The following LRRC43 variants were observed in gnomAD, a reference collection of about 807,000 sequenced individuals.
The protein encoded by LRRC43 is leucine rich repeat containing 43, also known as leucine-rich repeat-containing protein 43.
A neutral mutation model predicts 64.3 loss-of-function variants in LRRC43; 62 were observed. The ratio of observed to expected loss-of-function variants is 0.96; its 90% confidence interval spans 0.79 to 1.19. The LOEUF is 1.19. Ranked by LOEUF, LRRC43 falls within the 50% of genes most tolerant of loss-of-function variation. LRRC43 has a pLI of 0.00. For synonymous variants in LRRC43, 422 were observed against 382.3 expected (o/e 1.10, Z -1.21); for missense variants, 868 against 845.0 (o/e 1.03, Z -0.34).
intron 1 of LRRC43, among the ~76,000 whole-genome samples, chr12:122,174,850 T>TC (rs1255247426): frequency 6.6e-6 from 1 of 151,578 alleles, no homozygotes; most frequent in African/African-American, 2.4e-5. Flanking sequence ...TTTTCTTTTT[T>TC]TTTTTTTTGA....
At position 122,171,381 on chromosome 12, in the gene LRRC43, T is replaced by C. The variant is rs576758792; in HGVS notation, c.-406+3599T>C. 2.0e-5 allele frequency among the ~76,000 whole-genome samples: 3 copies of C among 152,328 alleles called. No homozygotes were observed. In the South Asian group the frequency reaches 6.2e-4, roughly 32 times the overall value. The stretch of plus-strand genomic sequence containing the variant: ...CATAAAGAAAATGCTCAATGAGTGT[T>C]TATTGCTGCTGAGGTCTTGCTTTGT... On this transcript the variant is annotated intron_variant, in intron 1 of 5. Coordinates refer to the LRRC43 transcript ENST00000537729.
intron 11 of LRRC43, 131 bp from the exon 12 acceptor site, chr12:122,203,184 A>T: frequency 1.2e-6 from 1 of 833,090 alleles, no homozygotes; most frequent in Non-Finnish European, 1.9e-6. Flanking sequence ...TATTACTGTT[A>T]ACACCCGAGG....
Position 122,192,957 on chromosome 12 carries a change from G to C in LRRC43, c.1302G>C (p.Leu434=). ...LQMPRASAEE[L]AKLRLRIDPR... ...TGCCGAGGGCCTCTGCAGAAGAGCT[G>C]GCCAAGTTGAGGCTGCGTATAGATC... Residue 434 remains leucine, a synonymous_variant, in exon 7 of 12, where the codon CTG becomes CTC. Transcript: ENST00000339777. 1 of 1,614,074 alleles carries C rather than the reference G, an allele frequency of 6.2e-7. No individual in the cohort carries two copies. Among genetic ancestry groups the C allele is most frequent in the Non-Finnish European group, 8.5e-7 (1 of 1,180,014 alleles).
intron 4 of LRRC43, chr12:122,189,287 C>G: frequency 5.3e-6 from 2 of 375,368 alleles, no homozygotes; most frequent in South Asian, 1.9e-5. Context: ...CCCCGAGGAA[C>G]CTGGAGGGCA....
At chr12:122,186,721 C>G (rs1048374679) in intron 3 of LRRC43, among the ~76,000 whole-genome samples, 4 of 152,168 alleles carry the variant, frequency 2.6e-5, no homozygotes, top group Non-Finnish European at 5.9e-5. Context: ...GAGTTTGAGA[C>G]CAGCCTGGCC....
chr12:122,183,354 C>T, intron 1 of LRRC43, 60 bp downstream of exon 1: 4 of 1,380,112 alleles, frequency 2.9e-6, no homozygotes, highest in South Asian at 1.7e-5. Flanking sequence ...GGCACGGGCC[C>T]GGGCGAGCGG....
Position 122,172,041 on chromosome 12 carries a change from T to G in LRRC43, c.-406+4259T>G, listed in dbSNP as rs141568042. On this transcript the variant is annotated intron_variant, in intron 1 of 5. Coordinates refer to the LRRC43 transcript ENST00000537729. ...AATGTGTCACAGATTATGAGAAAAA[T>G]TCAATATAATTTATTAAATAGATTC... is the stretch of plus-strand genomic sequence containing the variant. 4.6e-3 allele frequency: 786 copies of G among 169,220 alleles called. 10 individuals carry two copies. Among genetic ancestry groups the G allele is most frequent in the African/African-American group, 0.018 (749 of 41,644 alleles). The allele number at this position is 169,220 out of a possible 1,614,324, so 10.5% of individuals were successfully genotyped here.
At chr12:122,199,235 C>T (rs889321791) in intron 7 of LRRC43, among the ~76,000 whole-genome samples, 2 of 148,574 alleles carry the variant, frequency 1.3e-5, no homozygotes, top group South Asian at 2.1e-4. Context: ...AAACTCCAGT[C>T]CCCTCTGTGT....
upstream of LRRC43, among the ~76,000 whole-genome samples, chr12:122,179,148 G>A (rs1385763216): frequency 6.6e-6 from 1 of 152,102 alleles, no homozygotes; most frequent in Non-Finnish European, 1.5e-5. Context: ...AGGCTAGAGT[G>A]CAGTGGTGTG....
Position 122,203,369 on chromosome 12 carries a change from T to C in LRRC43, c.1898T>C (p.Leu633Pro). 1.2e-6 allele frequency: 2 copies of C among 1,613,496 alleles called. No homozygotes were observed. The highest frequency in any genetic ancestry group is 1.7e-6 in the Non-Finnish European group (2 of 1,179,952). Reference protein sequence around the residue: ...IYEGDYHPEPLTVEVQIQLNQ... With the variant: ...IYEGDYHPEPPTVEVQIQLNQ... Reference sequence around the variant, plus strand: ...GAAGGCGATTACCACCCTGAGCCCCTGACCGTAGAGGTGCAGATCCAGCTG... The same window carrying C: ...GAAGGCGATTACCACCCTGAGCCCCCGACCGTAGAGGTGCAGATCCAGCTG... The change falls in exon 12 of 12, where the codon CTG becomes CCG. Residue 633 changes from leucine (L) to proline (P), a missense_variant. Leu to Pro is a moderately conservative substitution (Grantham distance 98). Coordinates refer to ENST00000339777, the MANE Select transcript of LRRC43 (RefSeq NM_001098519.2).
At position 122,172,724 on chromosome 12, in the gene LRRC43, G is replaced by C. The variant is rs7974857; in HGVS notation, c.-406+4942G>C. The C allele has an allele frequency of 0.16, 254,785 of 1,609,362 alleles. 21,681 individuals carry two copies. Among genetic ancestry groups the C allele is most frequent in the Admixed American group, 0.27 (15,776 of 59,194 alleles). On this transcript the variant is annotated intron_variant, in intron 1 of 5. Transcript: ENST00000537729. ...GCGTGTAATTCTGGGACACGAGCAC[G>C]CCCTTCTCTTCCTCCACCTGTGGAA...
In LRRC43 at chr12:122,192,786, A is replaced by G. The variant is rs1482275600; in HGVS notation, c.1131A>G (p.Glu377=). 1 of 1,613,992 alleles carries G rather than the reference A, an allele frequency of 6.2e-7. No homozygotes were observed. The highest frequency in any genetic ancestry group is 1.3e-5 in the African/African-American group (1 of 74,922). ...CCAGCTTAGAATTATTAGTTGAGGA[A>G]TCTCCTGAAGAGGTCGTGGAAGACG... ...PSPSLELLVE[E]SPEEVVEDVI... The change falls in exon 7 of 12, where the codon GAA becomes GAG. Residue 377 remains glutamate (E), a synonymous_variant. Transcript: ENST00000339777.
chr12:122,171,174 T>C (rs969337989), intron 1 of LRRC43, among the ~76,000 whole-genome samples: 1 of 152,170 alleles, frequency 6.6e-6, no homozygotes, highest in African/African-American at 2.4e-5. Context: ...CGCCTGGCAT[T>C]GACAGCCTGT....
At chr12:122,199,639 A>G (rs115166744) in intron 7 of LRRC43, among the ~76,000 whole-genome samples, 3,619 of 151,144 alleles carry the variant, frequency 0.024, 99 homozygotes, top group South Asian at 0.065. Context: ...GATCGAGTAC[A>G]GTGGCATGAA....
intron 1 of LRRC43, among the ~76,000 whole-genome samples, chr12:122,176,949 C>G (rs1351812530): frequency 6.6e-6 from 1 of 152,094 alleles, no homozygotes; most frequent in African/African-American, 2.4e-5. Context: ...TCCCAAGTCC[C>G]CCTGCCGCCA....
intron 1 of LRRC43, among the ~76,000 whole-genome samples, chr12:122,170,496 T>C (rs988439048): frequency 1.3e-5 from 2 of 152,018 alleles, no homozygotes; most frequent in African/African-American, 4.8e-5. Context: ...CCGGGCGTGG[T>C]GGCGGGCGCC....
intron 3 of LRRC43, among the ~76,000 whole-genome samples, chr12:122,186,646 C>T (rs146293979): frequency 9.1e-4 from 139 of 152,278 alleles, no homozygotes; most frequent in African/African-American, 2.8e-3. Context: ...AGGCCAGGCG[C>T]GGTGGCTCAC....
At chr12:122,188,472 C>T (rs1360868143) in intron 4 of LRRC43, among the ~76,000 whole-genome samples, 2 of 150,334 alleles carry the variant, frequency 1.3e-5, no homozygotes, top group Admixed American at 1.3e-4. Context: ...GATGGAGTTT[C>T]ACTCTGTTGC....
chr12:122,172,394 C>T (rs367875779), intron 1 of LRRC43: 38 of 1,580,828 alleles, frequency 2.4e-5, no homozygotes, highest in Non-Finnish European at 3.1e-5. Flanking sequence ...CCTGCCAATC[C>T]GAAAGGAAGA....
Sources: allele counts gnomAD v4.1 joint callset (sites outside exome capture counted in the v4.1 genomes callset), GRCh38; gene constraint gnomAD v4.1.1; transcripts MANE v1.5; gene names NCBI Gene and HGNC (gene_info 2026-07-23, HGNC 2026-07-21).